The following ROBO2 variants were observed in gnomAD, a reference collection of about 807,000 sequenced individuals.
ROBO2 encodes roundabout guidance receptor 2.
In ROBO2, 53 loss-of-function variants were observed where a neutral mutation model predicts 160.8. The ratio of observed to expected loss-of-function variants is 0.33; its 90% CI spans 0.26 to 0.41. The LOEUF is 0.41. ROBO2 is among the 10% of genes least tolerant of loss of function. The pLI is 1.00. For synonymous variants in ROBO2, 664 were observed against 611.7 expected (o/e 1.09, Z -1.26); for missense variants, 1,577 against 1,722.4 (o/e 0.92, Z 1.49).
chr3:76,245,644 T>G (rs1256387210), intron 2 of ROBO2, among the ~76,000 whole-genome samples: 1 of 152,194 alleles, frequency 6.6e-6, no homozygotes, highest in African/African-American at 2.4e-5. Context: ...TTATACCATT[T>G]TGAATTTAAA....
intron 2 of ROBO2, among the ~76,000 whole-genome samples, chr3:76,567,622 T>TATATATATAC (rs1560162373): frequency 1.8e-5 from 1 of 54,068 alleles, no homozygotes; most frequent in East Asian, 4.9e-4. Context: ...AAACTACTGA[T>TATATATATAC]ATATATATAT....
intron 2 of ROBO2, among the ~76,000 whole-genome samples, chr3:76,478,680 GTTT>G (rs1042265916): frequency 8.3e-6 from 1 of 120,918 alleles, no homozygotes. Flanking sequence ...TTTTTTCTCT[GTTT>G]TTTTTTTTTT....
intron 2 of ROBO2, among the ~76,000 whole-genome samples, chr3:76,946,730 G>A (rs1463901689): frequency 6.6e-6 from 1 of 152,120 alleles, no homozygotes; most frequent in Non-Finnish European, 1.5e-5. Context: ...GAGCCACTGC[G>A]CCTGGCCTGG....
chr3:76,147,330 T>G (rs547997748), intron 2 of ROBO2, among the ~76,000 whole-genome samples: 1 of 151,296 alleles, frequency 6.6e-6, no homozygotes, highest in South Asian at 2.1e-4. Flanking sequence ...ATTTTATAAA[T>G]GTTACTATAT....
intron 2 of ROBO2, among the ~76,000 whole-genome samples, chr3:77,416,950 G>A (rs1444877121): frequency 6.6e-6 from 1 of 152,052 alleles, no homozygotes; most frequent in East Asian, 1.9e-4. Context: ...GACAGATTTG[G>A]TCAGAAGGTG....
intron 21 of ROBO2, among the ~76,000 whole-genome samples, chr3:77,614,627 T>C (rs1489818715): frequency 6.6e-6 from 1 of 152,212 alleles, no homozygotes; most frequent in East Asian, 1.9e-4. Flanking sequence ...GTTACAATTA[T>C]AACTAACTTT....
chr3:76,886,544 C>G (rs557005736), intron 2 of ROBO2, among the ~76,000 whole-genome samples: 1 of 152,070 alleles, frequency 6.6e-6, no homozygotes, highest in Non-Finnish European at 1.5e-5. Flanking sequence ...TTTGCACTTC[C>G]GGTAGATGCT....
chr3:76,162,043 C>T (rs2072660342), intron 2 of ROBO2, among the ~76,000 whole-genome samples: 1 of 152,110 alleles, frequency 6.6e-6, no homozygotes, highest in African/African-American at 2.4e-5. Flanking sequence ...GCCTTGAGCT[C>T]TTGCTACCAT....
intron 2 of ROBO2, among the ~76,000 whole-genome samples, chr3:76,320,861 T>C (rs1248947067): frequency 3.3e-5 from 5 of 152,314 alleles, no homozygotes; most frequent in East Asian, 1.9e-4. Flanking sequence ...CCTATTTCCA[T>C]TGGAGGCTCC....
chr3:77,047,523 T>TA (rs1281367706), intron 1 of ROBO2, among the ~76,000 whole-genome samples: 1 of 148,366 alleles, frequency 6.7e-6, no homozygotes, highest in Admixed American at 6.8e-5. Flanking sequence ...CCTCTCTATT[T>TA]AAAAAAAATA....
chr3:77,016,792 T>C (rs2062292222), intron 2 of ROBO2, among the ~76,000 whole-genome samples: 1 of 152,170 alleles, frequency 6.6e-6, no homozygotes, highest in Non-Finnish European at 1.5e-5. Flanking sequence ...AAGCCTTTTC[T>C]CTTGTACCAT....
Position 77,143,806 on chromosome 3 carries a change from ATT to A in ROBO2, c.388+45474_388+45475del, listed in dbSNP as rs973794385. ...CTCTGACATCCATCATTTCTTGCCC[ATT>A]TTTTTTTCATATTTTTTAGTATTCT... On this transcript the variant is annotated intron_variant, in intron 2 of 25. Transcript: ENST00000461745. 1.5e-4 allele frequency among the ~76,000 whole-genome samples: 22 copies of A among 145,752 alleles called. 1 individual carries two copies. Among genetic ancestry groups the A allele is most frequent in the African/African-American group, 3.8e-4 (15 of 39,600 alleles).
chr3:76,024,392 T>C (rs1215168433), intron 2 of ROBO2, among the ~76,000 whole-genome samples: 1 of 151,238 alleles, frequency 6.6e-6, no homozygotes, highest in African/African-American at 2.4e-5. Context: ...TTAAAAACCT[T>C]GAGTCGAGTT....
chr3:77,050,235 A>AGGTG, intron 1 of ROBO2, among the ~76,000 whole-genome samples: 2 of 152,134 alleles, frequency 1.3e-5, no homozygotes, highest in African/African-American at 4.8e-5. Context: ...AGTTATTGAA[A>AGGTG]ACCAAGCTTA....
At chr3:77,252,928 A>G (rs1244718517) in intron 2 of ROBO2, among the ~76,000 whole-genome samples, 1 of 149,224 alleles carries the variant, frequency 6.7e-6, no homozygotes. Context: ...AAATAATATT[A>G]AATTAATTTG....
intron 2 of ROBO2, among the ~76,000 whole-genome samples, chr3:76,232,909 C>A (rs891170094): frequency 1.3e-5 from 2 of 152,130 alleles, no homozygotes; most frequent in Non-Finnish European, 2.9e-5. Flanking sequence ...TATGCTCAGC[C>A]ACCAGCTACC....
At position 76,751,222 on chromosome 3, in the gene ROBO2, C is replaced by G. The variant is rs576920543; in HGVS notation, c.110-346792C>G. Among the ~76,000 whole-genome samples the G allele has an allele frequency of 5.3e-5, 8 of 152,182 alleles. 1 individual carries two copies. In the South Asian group the frequency reaches 1.7e-3, roughly 32 times the overall value. On this transcript the variant is annotated intron_variant, in intron 2 of 26. Coordinates refer to the ROBO2 transcript ENST00000487694. ...AGGATTCCCTATTTAATAAATGGTG[C>G]TGGGAAAACTGGCTAGCCATATGTA...
chr3:77,279,025 A>C (rs1297481554), intron 2 of ROBO2, among the ~76,000 whole-genome samples: 1 of 152,104 alleles, frequency 6.6e-6, no homozygotes, highest in Admixed American at 6.5e-5. Context: ...AGAGATGCTA[A>C]TCATATTCCT....
chr3:77,139,592 C>A (rs984202297), intron 2 of ROBO2, among the ~76,000 whole-genome samples: 15 of 152,170 alleles, frequency 9.9e-5, no homozygotes, highest in African/African-American at 3.6e-4. Context: ...AGATATGAAA[C>A]CAGCTCAAAG....
Sources: gnomAD v4.1 joint callset for allele counts (sites outside exome capture counted in the v4.1 genomes callset) on GRCh38, gnomAD v4.1.1 for gene constraint, MANE v1.5 for transcripts, NCBI Gene and HGNC (gene_info 2026-07-23, HGNC 2026-07-21) for gene names.